RSPH14: variants seen among roughly 807,000 people sequenced by gnomAD.
RSPH14 encodes radial spoke head 14 homolog.
In RSPH14, 20 loss-of-function variants were observed where a neutral mutation model predicts 26.7. The ratio of observed to expected loss-of-function variants is 0.75; its 90% CI spans 0.53 to 1.09. The LOEUF (loss-of-function observed/expected upper bound fraction) is 1.09, where lower values mean the gene tolerates loss of function less well. Among genes scored for constraint, RSPH14 ranks in the 50% least tolerant of loss-of-function variants. The pLI is 0.00. For synonymous variants in RSPH14, 177 were observed against 189.3 expected, an observed-to-expected ratio of 0.93 and a Z score of 0.53; for missense variants, 449 against 457.2, an observed-to-expected ratio of 0.98 and a Z score of 0.16.
upstream of RSPH14, among the ~76,000 whole-genome samples, chr22:23,148,360 T>C (rs911886860): frequency 3.3e-5 from 5 of 152,160 alleles, no homozygotes; most frequent in Non-Finnish European, 5.9e-5. Flanking sequence ...GAAAGTGTGA[T>C]TGGCACAAAA....
intron 4 of RSPH14, among the ~76,000 whole-genome samples, chr22:23,094,050 C>T (rs1035854569): frequency 1.3e-5 from 2 of 152,214 alleles, no homozygotes; most frequent in African/African-American, 2.4e-5. Context: ...ATGCTGGTCA[C>T]ACCCAGGAGT....
Position 23,059,647 on chromosome 22 carries a change from C to G in RSPH14, c.862G>C (p.Ala288Pro), listed in dbSNP as rs780139673. The G allele has an allele frequency of 1.2e-6, 2 of 1,604,960 alleles. No individual in the cohort carries two copies. The highest frequency in any genetic ancestry group is 2.2e-5 in the South Asian group (2 of 90,376). ...LELLHSPMTI[A>P]RLNATKALTM... ...AGGGCCTTGGTGGCATTCAGGCGCG[C>G]TATGGTCATGGGGGAGTGCAGCAGC... The change falls in exon 7 of 7, where the codon GCG becomes CCG. Residue 288 changes from alanine (A) to proline (P), a missense_variant. Physicochemically the swap from Ala to Pro is conservative, Grantham distance 27. Transcript: ENST00000216036.
intron 4 of RSPH14, among the ~76,000 whole-genome samples, chr22:23,092,300 T>C (rs1359628503): frequency 6.6e-6 from 1 of 152,158 alleles, no homozygotes; most frequent in Non-Finnish European, 1.5e-5. Context: ...AAGGTCCCAT[T>C]TGAACCACAG....
At chr22:23,088,666 G>A (rs1012063810) in intron 4 of RSPH14, among the ~76,000 whole-genome samples, 9 of 152,184 alleles carry the variant, frequency 5.9e-5, no homozygotes, top group Non-Finnish European at 2.9e-5. Flanking sequence ...TCTGAAATGG[G>A]TTCCATGACT....
rs139659965 is a variant in RSPH14 at position 23,123,374 on chromosome 22, C to T, written c.421+10652G>A. On this transcript the variant is annotated intron_variant, in intron 4 of 6. Transcript: ENST00000216036. The stretch of plus-strand genomic sequence containing the variant: ...ACACCAGTAACATCCAGTTTGTCTT[C>T]GACGCGGTGACAGACGTCATCATAC... 3.2e-5 allele frequency: 52 copies of T among 1,613,880 alleles called. 1 individual carries two copies. The East Asian group carries it at 4.5e-4, about 14-fold the overall frequency.
intron 4 of RSPH14, among the ~76,000 whole-genome samples, chr22:23,072,428 G>A (rs182905204): frequency 2.4e-4 from 36 of 152,298 alleles, no homozygotes; most frequent in Non-Finnish European, 3.8e-4. Flanking sequence ...TCTAACTGAC[G>A]TTGATTTTCT....
At chr22:23,123,450 C>T (rs2070088720) in intron 4 of RSPH14, 1 of 1,549,866 alleles carries the variant, frequency 6.5e-7, no homozygotes, top group Non-Finnish European at 8.9e-7. Context: ...GCCCGGGGCC[C>T]GCCTGCCTAT....
At chr22:23,160,124 C>T in the RSPH14 span, among the ~76,000 whole-genome samples, 1 of 152,150 alleles carries the variant, frequency 6.6e-6, no homozygotes, top group Non-Finnish European at 1.5e-5. Flanking sequence ...TAAGAGGGGA[C>T]AGCAGATATC....
chr22:23,159,513 C>T, the RSPH14 span, among the ~76,000 whole-genome samples: 18 of 152,370 alleles, frequency 1.2e-4, no homozygotes, highest in South Asian at 1.0e-3. Flanking sequence ...CTGTGTCATG[C>T]CGTGCTGGCC....
chr22:23,098,804 C>T (rs1038986095), intron 4 of RSPH14, among the ~76,000 whole-genome samples: 3 of 152,250 alleles, frequency 2.0e-5, no homozygotes, highest in Non-Finnish European at 4.4e-5. Flanking sequence ...GGGCTGGCCC[C>T]GGAGGTGAGC....
intron 4 of RSPH14, among the ~76,000 whole-genome samples, chr22:23,133,612 C>CA (rs752876608): frequency 2.0e-5 from 3 of 151,916 alleles, no homozygotes; most frequent in East Asian, 1.9e-4. Context: ...TGTCTTAAGA[C>CA]AGAGTCTCGC....
the RSPH14 span, chr22:23,161,574 G>T: frequency 6.3e-7 from 1 of 1,597,030 alleles, no homozygotes; most frequent in South Asian, 1.1e-5. Flanking sequence ...ACTGGGGCCT[G>T]CGTGGAAGGC....
At chr22:23,145,857 C>T (rs145000884), upstream of RSPH14, 1,588 of 510,176 alleles carry the variant, frequency 3.1e-3, 6 homozygotes, top group Non-Finnish European at 3.8e-3. Context: ...TGAGGAGGCT[C>T]GAGGAGTCAG....
chr22:23,062,629 C>T lies in RSPH14; in HGVS notation c.654-684G>A, dbSNP rs552388665. 1.2e-4 allele frequency among the ~76,000 whole-genome samples: 18 copies of T among 152,320 alleles called. No individual in the cohort carries two copies. In the South Asian group the frequency reaches 3.3e-3, roughly 28 times the overall value. On this transcript the variant is annotated intron_variant, in intron 5 of 6. Coordinates refer to ENST00000216036, the MANE Select transcript of RSPH14 (RefSeq NM_014433.3). ...TCATTTTTGTAGAGCTCTTAATGACCTCAAAGACACAGGTGTTCCCTGGGA... is the reference window on the plus strand; with the variant it reads ...TCATTTTTGTAGAGCTCTTAATGACTTCAAAGACACAGGTGTTCCCTGGGA...
At chr22:23,145,321 C>G (rs201259585), upstream of RSPH14, 7 of 1,559,940 alleles carry the variant, frequency 4.5e-6, no homozygotes, top group Non-Finnish European at 5.2e-6. Context: ...CCAGGAGTCT[C>G]TCTGCTGCCA....
At chr22:23,085,639 C>T (rs1322047960) in intron 4 of RSPH14, among the ~76,000 whole-genome samples, 1 of 152,172 alleles carries the variant, frequency 6.6e-6, no homozygotes, top group Non-Finnish European at 1.5e-5. Flanking sequence ...GTTTATACCA[C>T]AGCCCAACAG....
At chr22:23,072,046 C>T (rs761575392) in intron 4 of RSPH14, among the ~76,000 whole-genome samples, 3 of 152,048 alleles carry the variant, frequency 2.0e-5, no homozygotes, top group Non-Finnish European at 4.4e-5. Flanking sequence ...GTTCCATGAC[C>T]CCATGAGCTG....
intron 4 of RSPH14, among the ~76,000 whole-genome samples, chr22:23,127,181 G>A (rs2070203844): frequency 6.6e-6 from 1 of 152,178 alleles, no homozygotes; most frequent in Admixed American, 6.5e-5. Flanking sequence ...TCTGGCTCAG[G>A]GGACAGTGCC....
intron 5 of RSPH14, among the ~76,000 whole-genome samples, 177 bp downstream of exon 5, chr22:23,063,725 C>A (rs374753292): frequency 2.0e-5 from 3 of 152,118 alleles, no homozygotes; most frequent in South Asian, 4.1e-4. Context: ...CCCAGGCCAA[C>A]GGGATGGTGG....
Sources: gnomAD v4.1 joint callset for allele counts (sites outside exome capture counted in the v4.1 genomes callset) on GRCh38, gnomAD v4.1.1 for gene constraint, MANE v1.5 for transcripts, NCBI Gene and HGNC (gene_info 2026-07-23, HGNC 2026-07-21) for gene names.